The following PLXNA4 variants were observed in gnomAD, a reference collection of about 807,000 sequenced individuals.
The protein encoded by PLXNA4 is plexin A4.
A neutral mutation model predicts 191.8 loss-of-function variants in PLXNA4; 44 were observed. The ratio of observed to expected loss-of-function variants is 0.23; its 90% CI spans 0.18 to 0.29. PLXNA4 has a LOEUF of 0.29. Among genes scored for constraint, PLXNA4 ranks in the 10% least tolerant of loss-of-function variants. The pLI is 1.00. For synonymous variants in PLXNA4, 1,082 were observed against 1,009.5 expected (o/e 1.07, Z -1.36); for missense variants, 1,800 against 2,488.8 (o/e 0.72, Z 5.89).
At chr7:132,199,634 G>T (rs1441470443) in intron 12 of PLXNA4, among the ~76,000 whole-genome samples, 5 of 152,170 alleles carry the variant, frequency 3.3e-5, no homozygotes, top group Non-Finnish European at 5.9e-5. Context: ...AATGGAAGGA[G>T]CCCAGAGAGT....
At chr7:132,602,158 T>C (rs1001936649) in intron 2 of PLXNA4, among the ~76,000 whole-genome samples, 1 of 152,218 alleles carries the variant, frequency 6.6e-6, no homozygotes, top group African/African-American at 2.4e-5. Flanking sequence ...CAGGTTTGAC[T>C]CTCTAGGTAG....
intron 2 of PLXNA4, among the ~76,000 whole-genome samples, chr7:132,606,060 AG>A (rs967094931): frequency 6.6e-6 from 1 of 152,166 alleles, no homozygotes; most frequent in African/African-American, 2.4e-5. Context: ...GCTACAAGGG[AG>A]GCTGAGGCAC....
At position 132,161,169 on chromosome 7, in the gene PLXNA4, T is replaced by C. The variant is rs562625073; in HGVS notation, c.4501-1537A>G. Among the ~76,000 whole-genome samples, 14 of 152,320 alleles carry C rather than the reference T, an allele frequency of 9.2e-5. No individual in the cohort carries two copies. The East Asian group carries it at 2.5e-3, about 27-fold the overall frequency. On this transcript the variant is annotated intron_variant, in intron 24 of 31. Transcript: ENST00000321063. ...TGGGCCCTGGTGGGGCAGCTCAGCC[T>C]TCCCAAGACAGCAACACAGCTTGCC... is the stretch of plus-strand genomic sequence containing the variant.
At chr7:132,234,596 T>TTGTGTGTG (rs60249306) in intron 5 of PLXNA4, among the ~76,000 whole-genome samples, 10,617 of 144,092 alleles carry the variant, frequency 0.074, 617 homozygotes, top group East Asian at 0.28. Context: ...AGCATGTGTT[T>TTGTGTGTG]TGTGTGTGTG....
At chr7:132,585,786 CT>C (rs112434349) in intron 2 of PLXNA4, among the ~76,000 whole-genome samples, 6,333 of 152,196 alleles carry the variant, frequency 0.042, 334 homozygotes, top group African/African-American at 0.12. Flanking sequence ...GACTCTTCCT[CT>C]TTTTTATAAG....
intron 12 of PLXNA4, among the ~76,000 whole-genome samples, chr7:132,199,312 C>T (rs189532314): frequency 1.3e-5 from 2 of 152,270 alleles, no homozygotes; most frequent in East Asian, 1.9e-4. Context: ...AACATCTTTC[C>T]GGAATTACTA....
chr7:132,624,488 G>T (rs567841321), intron 2 of PLXNA4, among the ~76,000 whole-genome samples: 54 of 152,142 alleles, frequency 3.5e-4, no homozygotes, highest in African/African-American at 1.3e-3. Flanking sequence ...GTCACATGGG[G>T]GTGTGTGTGT....
chr7:132,514,137 T>C (rs1363036317), intron 1 of PLXNA4, among the ~76,000 whole-genome samples: 25 of 151,678 alleles, frequency 1.6e-4, no homozygotes, highest in Non-Finnish European at 7.4e-5. Flanking sequence ...CTGCAAGCTC[T>C]GCCTCCTGGG....
At chr7:132,305,406 A>ACACACACACACACACT (rs1491312866) in intron 3 of PLXNA4, among the ~76,000 whole-genome samples, 7 of 140,068 alleles carry the variant, frequency 5.0e-5, no homozygotes, top group African/African-American at 1.6e-4. Context: ...ACACACACAC[A>ACACACACACACACACT]CTCTACTCTG....
intron 3 of PLXNA4, among the ~76,000 whole-genome samples, chr7:132,460,402 C>A (rs1796465037): frequency 6.6e-6 from 1 of 151,922 alleles, no homozygotes; most frequent in Non-Finnish European, 1.5e-5. Flanking sequence ...ATTGTAATTT[C>A]TCTAAATATT....
chr7:132,526,926 G>C (rs1338918889), intron 1 of PLXNA4, among the ~76,000 whole-genome samples: 1 of 152,144 alleles, frequency 6.6e-6, no homozygotes, highest in Non-Finnish European at 1.5e-5. Context: ...GTGTTAAACA[G>C]GGCCACTCTA....
chr7:132,145,085 C>A (rs369856710), intron 29 of PLXNA4, 34 bp downstream of exon 29: 1 of 1,613,148 alleles, frequency 6.2e-7, no homozygotes, highest in East Asian at 2.2e-5. Context: ...GGGCTCAGGG[C>A]TCCCGATGTG....
At chr7:132,524,725 G>T (rs1013386869) in intron 1 of PLXNA4, among the ~76,000 whole-genome samples, 1 of 151,846 alleles carries the variant, frequency 6.6e-6, no homozygotes, top group South Asian at 2.1e-4. Context: ...CCATCACCAC[G>T]CCCAGCTAAT....
intron 3 of PLXNA4, among the ~76,000 whole-genome samples, chr7:132,334,120 A>G (rs1802711169): frequency 6.6e-6 from 1 of 152,206 alleles, no homozygotes; most frequent in Admixed American, 6.5e-5. Flanking sequence ...AGCCCAGTGT[A>G]AAACACGGAA....
intron 3 of PLXNA4, among the ~76,000 whole-genome samples, chr7:132,325,981 C>T (rs1802342556): frequency 6.6e-6 from 1 of 152,214 alleles, no homozygotes; most frequent in South Asian, 2.1e-4. Context: ...GTCAACCTGA[C>T]TGGGCTGCAG....
intron 1 of PLXNA4, among the ~76,000 whole-genome samples, chr7:132,648,352 CAT>C (rs1803925820): frequency 1.3e-5 from 2 of 152,148 alleles, no homozygotes; most frequent in Non-Finnish European, 2.9e-5. Context: ...TTTTCAGTGA[CAT>C]AAAATATAGA....
chr7:132,575,154 C>T (rs1802166491), intron 1 of PLXNA4, among the ~76,000 whole-genome samples: 1 of 152,178 alleles, frequency 6.6e-6, no homozygotes, highest in Admixed American at 6.5e-5. Context: ...AACTGAGACC[C>T]TAAATTAGTT....
intron 13 of PLXNA4, among the ~76,000 whole-genome samples, chr7:132,196,460 A>G (rs1169593527): frequency 6.6e-6 from 1 of 152,246 alleles, no homozygotes; most frequent in Non-Finnish European, 1.5e-5. Context: ...CTTCTATAAT[A>G]TCAGATTTAA....
intron 4 of PLXNA4, among the ~76,000 whole-genome samples, chr7:132,288,278 C>A (rs771840495): frequency 1.1e-4 from 16 of 152,150 alleles, no homozygotes; most frequent in Admixed American, 4.6e-4. Context: ...GTACAGTGGA[C>A]AATTCAGCAC....
Sources: allele counts gnomAD v4.1 joint callset (sites outside exome capture counted in the v4.1 genomes callset), GRCh38; gene constraint gnomAD v4.1.1; transcripts MANE v1.5; gene names NCBI Gene and HGNC (gene_info 2026-07-23, HGNC 2026-07-21).